The following STX2 variants were observed in gnomAD, a reference collection of about 807,000 sequenced individuals.
STX2 encodes syntaxin 2, also known as syntaxin-2.
In STX2, 27 loss-of-function variants were observed where a neutral mutation model predicts 40.6. The ratio of observed to expected loss-of-function variants is 0.66; its 90% confidence interval spans 0.49 to 0.92. The LOEUF (loss-of-function observed/expected upper bound fraction) is 0.92. Ranked by LOEUF, STX2 falls within the 40% of genes least tolerant of loss-of-function variation. The pLI, the probability that STX2 is intolerant of heterozygous loss-of-function variation, is 0.00. For missense variants in STX2, 328 were observed against 366.1 expected (o/e 0.90, Z 0.85); for synonymous variants, 123 against 119.1 (o/e 1.03, Z -0.22).
At position 130,839,220 on chromosome 12, in the gene STX2, T is replaced by C. The variant is rs1952841708; in HGVS notation, c.-121A>G. On this transcript the variant is annotated 5_prime_UTR_variant, in exon 1 of 11. Transcript: ENST00000392373. ...GGTCCCGGCCCGGCGCCAGCAGCCCTCCCTGGAGCCGGCGCTGCCACGGCA... is the reference window on the plus strand; with the variant it reads ...GGTCCCGGCCCGGCGCCAGCAGCCCCCCCTGGAGCCGGCGCTGCCACGGCA... 3 of 900,550 alleles carry C rather than the reference T, an allele frequency of 3.3e-6. No individual in the cohort carries two copies. The allele number at this position is 900,550 out of a possible 1,614,324, so 55.8% of individuals were successfully genotyped here.
chr12:130,808,970 A>G (rs955518495), intron 4 of STX2, among the ~76,000 whole-genome samples: 1 of 152,194 alleles, frequency 6.6e-6, no homozygotes, highest in Non-Finnish European at 1.5e-5. Flanking sequence ...AGGCTCAAGC[A>G]GTCCTCCCAC....
chr12:130,812,472 G>T (rs781026129), intron 4 of STX2: 23 of 374,782 alleles, frequency 6.1e-5, no homozygotes, highest in South Asian at 4.3e-4. Context: ...TTTATCATCT[G>T]CACAGAGATT....
At chr12:130,818,705 A>G (rs1259357515) in intron 3 of STX2, among the ~76,000 whole-genome samples, 1 of 152,168 alleles carries the variant, frequency 6.6e-6, no homozygotes, top group African/African-American at 2.4e-5. Flanking sequence ...GCCCCAGCGC[A>G]TTCGGAGCGG....
intron 3 of STX2, among the ~76,000 whole-genome samples, chr12:130,815,477 C>T: frequency 6.6e-6 from 1 of 152,264 alleles, no homozygotes; most frequent in East Asian, 1.9e-4. Flanking sequence ...GCACGCTGCT[C>T]ACTCAGGCAG....
At chr12:130,832,084 C>T (rs1396702105) in intron 1 of STX2, among the ~76,000 whole-genome samples, 1 of 152,094 alleles carries the variant, frequency 6.6e-6, no homozygotes, top group African/African-American at 2.4e-5. Context: ...TTGGCCCAAC[C>T]AATCCTCCCA....
chr12:130,818,593 G>T (rs1390146123), intron 3 of STX2, among the ~76,000 whole-genome samples: 1 of 152,190 alleles, frequency 6.6e-6, no homozygotes, highest in Non-Finnish European at 1.5e-5. Flanking sequence ...CAAGGAGCCG[G>T]GTCTCCATGA....
At chr12:130,812,870 T>C in intron 4 of STX2, 87 bp downstream of exon 4, 1 of 940,144 alleles carries the variant, frequency 1.1e-6, no homozygotes, top group Non-Finnish European at 1.6e-6. Flanking sequence ...TTTTTAAAAA[T>C]GTAAAAGAAC....
rs139701644 is a variant in STX2, at chr12:130,805,477, G to T, written c.463+1505C>A. On this transcript the variant is annotated intron_variant, in intron 6 of 10. Transcript: ENST00000392373. ...GAGACCAAGGCAACTGGATTTGCAA[G>T]ATGGAGTATGAGAGATGAGAGAGAT... Among the ~76,000 whole-genome samples, 57 of 152,350 alleles carry T rather than the reference G, an allele frequency of 3.7e-4. No individual in the cohort carries two copies. In the East Asian group the frequency reaches 0.01, roughly 27 times the overall value.
chr12:130,827,836 GT>G (rs1451534325), intron 1 of STX2, among the ~76,000 whole-genome samples: 3 of 151,922 alleles, frequency 2.0e-5, no homozygotes, highest in Non-Finnish European at 4.4e-5. Context: ...AACCTGGCAG[GT>G]TTAGCTGGGC....
At chr12:130,818,364 G>A (rs1271332334) in intron 3 of STX2, among the ~76,000 whole-genome samples, 1 of 148,072 alleles carries the variant, frequency 6.8e-6, no homozygotes, top group Non-Finnish European at 1.5e-5. Context: ...TCGACACAGG[G>A]AGACTCCTCT....
At chr12:130,814,562 G>A (rs1593155647) in intron 3 of STX2, among the ~76,000 whole-genome samples, 1 of 151,978 alleles carries the variant, frequency 6.6e-6, no homozygotes, top group East Asian at 1.9e-4. Flanking sequence ...CTTTTACTGA[G>A]GGCACCAGTC....
intron 3 of STX2, among the ~76,000 whole-genome samples, chr12:130,820,597 C>T (rs902806407): frequency 2.0e-5 from 3 of 151,838 alleles, no homozygotes; most frequent in Admixed American, 6.6e-5. Flanking sequence ...ACCCGGGAGG[C>T]GGAAGTTGCA....
At chr12:130,832,706 A>T (rs991581309) in intron 1 of STX2, among the ~76,000 whole-genome samples, 1 of 152,222 alleles carries the variant, frequency 6.6e-6, no homozygotes, top group African/African-American at 2.4e-5. Context: ...CGTGGAGACG[A>T]AGAGAAACCC....
At chr12:130,828,256 T>C (rs1287573137) in intron 1 of STX2, among the ~76,000 whole-genome samples, 1 of 152,140 alleles carries the variant, frequency 6.6e-6, no homozygotes, top group Non-Finnish European at 1.5e-5. Flanking sequence ...TCTCACTCTG[T>C]CGCCCAGGCT....
At chr12:130,801,840 G>A (rs868717331) in intron 6 of STX2, among the ~76,000 whole-genome samples, 2 of 152,322 alleles carry the variant, frequency 1.3e-5, no homozygotes, top group South Asian at 2.1e-4. Context: ...AATGTAGCAT[G>A]TATTAAATGA....
In STX2 at chr12:130,825,333, G is replaced by A. The variant is rs112768160; in HGVS notation, c.105+1860C>T. 4.5e-3 allele frequency among the ~76,000 whole-genome samples: 687 copies of A among 152,284 alleles called. 9 individuals carry two copies. Among genetic ancestry groups the A allele is most frequent in the African/African-American group, 0.016 (645 of 41,562 alleles). On this transcript the variant is annotated intron_variant, in intron 2 of 10. Coordinates refer to ENST00000392373, the MANE Select transcript of STX2 (RefSeq NM_194356.4). The stretch of plus-strand genomic sequence containing the variant: ...AGCACAGGCATGAGCCACTGGGCCC[G>A]GCCTGCACTATGTGACTTTTCTATT...
At chr12:130,832,705 G>C (rs781551420) in intron 1 of STX2, among the ~76,000 whole-genome samples, 1 of 152,192 alleles carries the variant, frequency 6.6e-6, no homozygotes, top group Non-Finnish European at 1.5e-5. Context: ...CCGTGGAGAC[G>C]AAGAGAAACC....
intron 3 of STX2, among the ~76,000 whole-genome samples, chr12:130,818,185 A>AAAAAAAAAAAAT: frequency 2.0e-4 from 14 of 70,536 alleles, no homozygotes; most frequent in Admixed American, 1.3e-3. Flanking sequence ...AAAAAAAAAA[A>AAAAAAAAAAAAT]ATATATATAT....
At chr12:130,818,226 C>G (rs941717299) in intron 3 of STX2, among the ~76,000 whole-genome samples, 1 of 105,082 alleles carries the variant, frequency 9.5e-6, no homozygotes, top group Non-Finnish European at 1.8e-5. Flanking sequence ...ATAAAATTAT[C>G]TGGGCGTGGT....
Sources: gnomAD v4.1 joint callset for allele counts (sites outside exome capture counted in the v4.1 genomes callset) on GRCh38, gnomAD v4.1.1 for gene constraint, MANE v1.5 for transcripts, NCBI Gene and HGNC (gene_info 2026-07-23, HGNC 2026-07-21) for gene names.